Variants in RELCH observed in about 807,000 individuals in gnomAD.
RELCH encodes RAB11-binding protein RELCH.
RELCH carries 41 observed loss-of-function variants against 150.3 expected under a neutral mutation model. The observed-to-expected ratio is 0.27, with a 90% CI of 0.21 to 0.35. RELCH has a LOEUF of 0.35. Among genes scored for constraint, RELCH ranks in the 10% least tolerant of loss-of-function variants. RELCH has a pLI of 1.00. For missense variants in RELCH, 1,092 were observed against 1,467.8 expected, an observed-to-expected ratio of 0.74 and a Z score of 4.18; for synonymous variants, 478 against 531.8, an observed-to-expected ratio of 0.90 and a Z score of 1.39.
chr18:62,241,604 G>C (rs1045473614), intron 10 of RELCH, among the ~76,000 whole-genome samples: 1 of 151,910 alleles, frequency 6.6e-6, no homozygotes, highest in African/African-American at 2.4e-5. Flanking sequence ...TTTACATTTA[G>C]TCTTTCAAAG....
At chr18:62,263,927 G>A (rs773965162) in intron 16 of RELCH, 62 bp from the exon 17 acceptor site, 103 of 1,357,960 alleles carry the variant, frequency 7.6e-5, no homozygotes, top group Non-Finnish European at 1.0e-4. Context: ...CCTTTCAACA[G>A]AATATCTAAG....
chr18:62,266,694 T>C lies in RELCH; in HGVS notation c.2632-7T>C. The C allele has an allele frequency of 1.3e-6, 2 of 1,595,716 alleles. No homozygotes were observed. Among genetic ancestry groups the C allele is most frequent in the East Asian group, 2.2e-5 (1 of 44,488 alleles). ...GACTTTTTGAATCTTCTCTTTGGGTTGCTTAGGTAAAACCTCAGTTCCAGG... is the reference window on the plus strand; with the variant it reads ...GACTTTTTGAATCTTCTCTTTGGGTCGCTTAGGTAAAACCTCAGTTCCAGG... On this transcript the variant is annotated splice_polypyrimidine_tract_variant and splice_region_variant and intron_variant, in intron 18 of 28. Transcript: ENST00000644646.
intron 2 of RELCH, among the ~76,000 whole-genome samples, chr18:62,218,885 A>G (rs776494107): frequency 7.2e-5 from 11 of 151,962 alleles, no homozygotes; most frequent in Non-Finnish European, 1.6e-4. Context: ...AGGATAATTA[A>G]TTTTTAGCTT....
intron 2 of RELCH, among the ~76,000 whole-genome samples, chr18:62,212,737 A>G (rs977888594): frequency 6.6e-5 from 10 of 152,232 alleles, no homozygotes; most frequent in Admixed American, 1.3e-4. Flanking sequence ...ATTCAAATCC[A>G]CATAGCCCAG....
chr18:62,263,533 A>G (rs2043384877), intron 16 of RELCH, among the ~76,000 whole-genome samples: 1 of 152,018 alleles, frequency 6.6e-6, no homozygotes, highest in African/African-American at 2.4e-5. Flanking sequence ...GGGTATATCC[A>G]TATGTCTATA....
intron 13 of RELCH, among the ~76,000 whole-genome samples, chr18:62,256,437 T>TG (rs1481388497): frequency 2.0e-5 from 3 of 152,026 alleles, no homozygotes; most frequent in Non-Finnish European, 4.4e-5. Flanking sequence ...GCCTTATTGT[T>TG]GTGATAAATC....
intron 22 of RELCH, 23 bp downstream of exon 22, chr18:62,275,496 T>C: frequency 6.9e-7 from 1 of 1,454,884 alleles, no homozygotes; most frequent in South Asian, 1.2e-5. Flanking sequence ...ATGCCTCTGT[T>C]GGTTTCAATT....
Position 62,254,633 on chromosome 18 carries a change from C to T in RELCH, c.1825-774C>T, listed in dbSNP as rs144999248. 325 of 152,132 alleles carry T rather than the reference C, an allele frequency of 2.1e-3. 4 individuals carry two copies. The highest frequency in any genetic ancestry group is 7.3e-3 in the African/African-American group (304 of 41,534). 9.4% of individuals were successfully genotyped at this position (152,132 alleles called of 1,614,324 possible). Reference sequence around the variant, plus strand: ...CTTGGATATCGGGGATCTATCTAGCCGCCTACCTCCAGTTTGTTGCCCAGT... The same window carrying T: ...CTTGGATATCGGGGATCTATCTAGCTGCCTACCTCCAGTTTGTTGCCCAGT... On this transcript the variant is annotated intron_variant, in intron 12 of 28. Transcript: ENST00000644646.
intron 1 of RELCH, 44 bp downstream of exon 1, chr18:62,188,075 T>C: frequency 6.7e-7 from 1 of 1,490,530 alleles, no homozygotes; most frequent in African/African-American, 1.4e-5. Context: ...GTATTTGGGA[T>C]TGTACGGAGT....
chr18:62,288,537 T>A (rs1219535325), intron 26 of RELCH, among the ~76,000 whole-genome samples: 3 of 152,238 alleles, frequency 2.0e-5, no homozygotes, highest in African/African-American at 7.2e-5. Context: ...CTATGTGTCT[T>A]TGGAAATACT....
intron 25 of RELCH, 43 bp downstream of exon 25, chr18:62,282,487 G>C: frequency 6.3e-7 from 1 of 1,597,670 alleles, no homozygotes; most frequent in Non-Finnish European, 8.5e-7. Flanking sequence ...TGTAATGTAA[G>C]ATCAAAGCTA....
intron 10 of RELCH, among the ~76,000 whole-genome samples, chr18:62,233,879 A>C (rs1243953094): frequency 3.3e-5 from 5 of 151,974 alleles, no homozygotes; most frequent in Non-Finnish European, 1.5e-5. Context: ...AATATTTATA[A>C]ATTTGCATCA....
At chr18:62,219,383 A>G (rs753119143) in intron 2 of RELCH, among the ~76,000 whole-genome samples, 66 of 137,608 alleles carry the variant, frequency 4.8e-4, no homozygotes, top group Admixed American at 2.7e-3. Flanking sequence ...CTGATCTGCA[A>G]TTGTTCTGTA....
chr18:62,238,983 A>C lies in RELCH; in HGVS notation c.1621-5781A>C, dbSNP rs559095143. Among the ~76,000 whole-genome samples the C allele has an allele frequency of 2.6e-5, 4 of 152,240 alleles. No homozygotes were observed. The East Asian group carries it at 7.7e-4, about 29-fold the overall frequency. On this transcript the variant is annotated intron_variant, in intron 10 of 28. Coordinates refer to ENST00000644646, the MANE Select transcript of RELCH (RefSeq NM_001346231.2). ...GAGAAACTAGACTTTGATCTTTTACATTGCCACTCATGTTTCCTTCATGGA... is the reference window on the plus strand; with the variant it reads ...GAGAAACTAGACTTTGATCTTTTACCTTGCCACTCATGTTTCCTTCATGGA...
intron 1 of RELCH, among the ~76,000 whole-genome samples, chr18:62,208,963 A>T (rs1427520619): frequency 2.0e-5 from 3 of 152,148 alleles, no homozygotes; most frequent in Non-Finnish European, 4.4e-5. Flanking sequence ...GTCCTAGAGG[A>T]TGCCGGAATT....
intron 12 of RELCH, among the ~76,000 whole-genome samples, chr18:62,253,921 T>C (rs1404002463): frequency 6.7e-6 from 1 of 150,034 alleles, no homozygotes; most frequent in Non-Finnish European, 1.5e-5. Context: ...TTTTTTCCAT[T>C]TTCTTTTGTC....
intron 1 of RELCH, among the ~76,000 whole-genome samples, chr18:62,196,846 A>T (rs2039083716): frequency 6.6e-6 from 1 of 152,204 alleles, no homozygotes; most frequent in Non-Finnish European, 1.5e-5. Context: ...GAGAGGTAAG[A>T]CTAACACATG....
In RELCH at chr18:62,266,041, T is replaced by C. The variant is rs555611147; in HGVS notation, c.2632-660T>C. Among the ~76,000 whole-genome samples, 3 of 130,808 alleles carry C rather than the reference T, an allele frequency of 2.3e-5. No individual in the cohort carries two copies. In the South Asian group the frequency reaches 6.5e-4, roughly 28 times the overall value. The allele number at this position is 130,808 out of a possible 152,430, so 85.8% of individuals were successfully genotyped here. On this transcript the variant is annotated intron_variant, in intron 18 of 28. Transcript: ENST00000644646. ...TTGATATCTCCAAAACAAGTAGCTA[T>C]TTTTTTTTTTAGAAAAGCAAGTAGG...
intron 1 of RELCH, among the ~76,000 whole-genome samples, chr18:62,197,416 G>T (rs1192793910): frequency 1.3e-5 from 2 of 152,174 alleles, no homozygotes; most frequent in African/African-American, 4.8e-5. Flanking sequence ...TAAATTGAGT[G>T]AATTTGTTTT....
Sources: gnomAD v4.1 joint callset for allele counts (sites outside exome capture counted in the v4.1 genomes callset) on GRCh38, gnomAD v4.1.1 for gene constraint, MANE v1.5 for transcripts, NCBI Gene and HGNC (gene_info 2026-07-23, HGNC 2026-07-21) for gene names.